The following TTC7B variants were observed in gnomAD, a reference collection of about 807,000 sequenced individuals.
TTC7B encodes the protein tetratricopeptide repeat protein 7B.
Under a neutral mutation model 106.8 loss-of-function variants are expected in TTC7B, and 28 were observed. The ratio of observed to expected loss-of-function variants is 0.26; its 90% CI spans 0.19 to 0.36. The LOEUF (loss-of-function observed/expected upper bound fraction) is 0.36, where lower values mean the gene tolerates loss of function less well. TTC7B is among the 10% of genes least tolerant of loss of function. The probability of loss-of-function intolerance (pLI) is 1.00; values close to 1 mark genes in which losing one functional copy is unlikely to be tolerated. For missense variants in TTC7B, 862 were observed against 1,076.4 expected, an observed-to-expected ratio of 0.80 and a Z score of 2.79; for synonymous variants, 405 against 430.6, an observed-to-expected ratio of 0.94 and a Z score of 0.74.
intron 7 of TTC7B, among the ~76,000 whole-genome samples, chr14:90,684,048 C>T (rs1049883278): frequency 6.6e-6 from 1 of 152,104 alleles, no homozygotes; most frequent in Non-Finnish European, 1.5e-5. Context: ...ACAGCATTCC[C>T]ATCCTTACCA....
chr14:90,665,480 T>G (rs1051501440), intron 9 of TTC7B, among the ~76,000 whole-genome samples: 2 of 152,206 alleles, frequency 1.3e-5, no homozygotes, highest in African/African-American at 4.8e-5. Context: ...CAGAAAGGGA[T>G]TTAGCAATTA....
chr14:90,605,846 T>G, intron 17 of TTC7B: 1 of 980,516 alleles, frequency 1.0e-6, no homozygotes, highest in Non-Finnish European at 1.3e-6. Flanking sequence ...TTTAATATAC[T>G]CACATAAGCT....
intron 15 of TTC7B, among the ~76,000 whole-genome samples, chr14:90,620,890 G>A (rs1026368985): frequency 1.3e-5 from 2 of 152,240 alleles, no homozygotes; most frequent in African/African-American, 4.8e-5. Context: ...TTGAAAAGGT[G>A]TGGGCTTGCA....
At chr14:90,554,702 C>T (rs1231654556) in intron 19 of TTC7B, among the ~76,000 whole-genome samples, 1 of 152,196 alleles carries the variant, frequency 6.6e-6, no homozygotes, top group Non-Finnish European at 1.5e-5. Context: ...CAGAGCAAGG[C>T]TTATTGGCAG....
chr14:90,766,789 C>A (rs1566877464), intron 3 of TTC7B: 2 of 1,577,696 alleles, frequency 1.3e-6, no homozygotes, highest in Non-Finnish European at 8.7e-7. Context: ...CTTGAACACA[C>A]AGAAGGATGT....
intron 18 of TTC7B, among the ~76,000 whole-genome samples, chr14:90,579,521 G>C (rs766330187): frequency 1.4e-4 from 22 of 152,266 alleles, no homozygotes; most frequent in Non-Finnish European, 2.6e-4. Context: ...GTTTAGGCAA[G>C]TTGCGGTGGC....
intron 9 of TTC7B, among the ~76,000 whole-genome samples, chr14:90,660,650 C>G (rs1886166093): frequency 6.6e-6 from 1 of 151,706 alleles, no homozygotes; most frequent in Admixed American, 6.6e-5. Flanking sequence ...GATTCACGGA[C>G]AGTGAAGGAA....
At chr14:90,791,593 G>A (rs1566890070) in intron 1 of TTC7B, among the ~76,000 whole-genome samples, 2 of 152,260 alleles carry the variant, frequency 1.3e-5, no homozygotes, top group East Asian at 1.9e-4. Context: ...CCGTGACTAC[G>A]TTATGACGAT....
intron 15 of TTC7B, among the ~76,000 whole-genome samples, chr14:90,633,206 CTT>C (rs1267223588): frequency 6.6e-6 from 1 of 152,208 alleles, no homozygotes; most frequent in African/African-American, 2.4e-5. Flanking sequence ...TATTAGTAAT[CTT>C]GAGAGGTTTG....
chr14:90,653,905 G>A (rs1229287108), intron 12 of TTC7B, among the ~76,000 whole-genome samples: 1 of 152,174 alleles, frequency 6.6e-6, no homozygotes, highest in African/African-American at 2.4e-5. Flanking sequence ...GTTAATATGT[G>A]GCATTAAATT....
intron 15 of TTC7B, among the ~76,000 whole-genome samples, chr14:90,643,019 T>C (rs944583931): frequency 1.3e-5 from 2 of 152,182 alleles, no homozygotes; most frequent in African/African-American, 4.8e-5. Flanking sequence ...ACTTAATATT[T>C]ACTTAATATT....
intron 1 of TTC7B, 89 bp from the exon 2 acceptor site, chr14:90,786,417 T>A (rs1169887400): frequency 1.2e-5 from 18 of 1,521,060 alleles, no homozygotes; most frequent in Non-Finnish European, 1.6e-5. Flanking sequence ...ACCACCACCC[T>A]CCGAGGCTCC....
chr14:90,589,275 C>T (rs766213591), intron 18 of TTC7B, among the ~76,000 whole-genome samples: 1 of 152,160 alleles, frequency 6.6e-6, no homozygotes, highest in Non-Finnish European at 1.5e-5. Context: ...ACACAGTCAG[C>T]CCTCAGTATC....
intron 18 of TTC7B, 53 bp downstream of exon 18, chr14:90,593,433 G>A: frequency 6.6e-7 from 1 of 1,511,692 alleles, no homozygotes; most frequent in Non-Finnish European, 8.9e-7. Flanking sequence ...TTGTGGGTGG[G>A]GCGGAGCCCA....
At chr14:90,697,355 C>T (rs1887795774) in intron 5 of TTC7B, 1 of 147,004 alleles carries the variant, frequency 6.8e-6, no homozygotes, top group Admixed American at 6.6e-5. Context: ...TCCGTTATGA[C>T]ACAGAAGTGA....
At chr14:90,633,434 C>T (rs1173508857) in intron 15 of TTC7B, among the ~76,000 whole-genome samples, 1 of 152,204 alleles carries the variant, frequency 6.6e-6, no homozygotes, top group African/African-American at 2.4e-5. Context: ...CATTGTAAGG[C>T]TTGCTGAATG....
rs200436271 is a variant in TTC7B, at chr14:90,537,374, G to GGGGA, written c.*3993_*3994insTCCC. ...GCTATTTTTTTTTTTTTGTAGAGAT[G>GGGGA]GGGGGGGGGTCTCACCATGTTGCCC... On this transcript the variant is annotated 3_prime_UTR_variant, in exon 20 of 20. Transcript: ENST00000328459. The GGGGA allele has an allele frequency of 2.5e-5, 1 of 39,876 alleles. No homozygotes were observed. The highest frequency in any genetic ancestry group is 8.9e-5 in the African/African-American group (1 of 11,202). The allele number at this position is 39,876 out of a possible 1,614,324, so 2.5% of individuals were successfully genotyped here. A position where few individuals can be genotyped will look rare whatever the true frequency, so the allele number is the denominator to read the frequency against.
chr14:90,733,600 C>T (rs17721241), intron 4 of TTC7B, among the ~76,000 whole-genome samples: 1 of 152,082 alleles, frequency 6.6e-6, no homozygotes, highest in Admixed American at 6.6e-5. Flanking sequence ...CTGAAGCCAC[C>T]ACTTGTTCTG....
intron 4 of TTC7B, among the ~76,000 whole-genome samples, chr14:90,739,577 C>T (rs935192272): frequency 1.3e-5 from 2 of 152,218 alleles, no homozygotes; most frequent in East Asian, 1.9e-4. Flanking sequence ...TTCATGAACA[C>T]GGGAAGTCTA....
Sources: gnomAD v4.1 joint callset for allele counts (sites outside exome capture counted in the v4.1 genomes callset) on GRCh38, gnomAD v4.1.1 for gene constraint, MANE v1.5 for transcripts, NCBI Gene and HGNC (gene_info 2026-07-23, HGNC 2026-07-21) for gene names.